TFEC: variants seen among roughly 807,000 people sequenced by gnomAD.
TFEC encodes class E basic helix-loop-helix protein 34.
TFEC carries 31 observed loss-of-function variants against 41.6 expected under a neutral mutation model. That is an observed-to-expected ratio of 0.74 (90% CI 0.56 to 1.01). The LOEUF (loss-of-function observed/expected upper bound fraction) is 1.01. Among genes scored for constraint, TFEC ranks in the 50% least tolerant of loss-of-function variants. The pLI is 0.00. For synonymous variants in TFEC, 143 were observed against 140.6 expected, an observed-to-expected ratio of 1.02 and a Z score of -0.12; for missense variants, 402 against 404.1, an observed-to-expected ratio of 0.99 and a Z score of 0.04.
intron 3 of TFEC, among the ~76,000 whole-genome samples, chr7:116,068,541 G>A (rs1478064812): frequency 6.6e-6 from 1 of 151,450 alleles, no homozygotes; most frequent in Non-Finnish European, 1.5e-5. Flanking sequence ...ATGCCATAAT[G>A]CACTACAGTC....
rs138972028 is a variant in TFEC at position 116,133,047 on chromosome 7, T to G, written c.-68-21009A>C. 5.1e-3 allele frequency among the ~76,000 whole-genome samples: 776 copies of G among 152,340 alleles called. 6 individuals are homozygous for G. Among genetic ancestry groups the G allele is most frequent in the Non-Finnish European group, 8.3e-3 (564 of 68,024 alleles). On this transcript the variant is annotated intron_variant, in intron 1 of 8. Transcript: ENST00000484212. ...TACTTTAGAAAATAAATTATTACAG[T>G]GCTTAAAAAGAAAATAAATGTATGC...
chr7:115,982,151 G>T (rs1269389044), intron 2 of TFEC, among the ~76,000 whole-genome samples: 4 of 151,614 alleles, frequency 2.6e-5, no homozygotes, highest in Non-Finnish European at 5.9e-5. Flanking sequence ...GATTTCTGGG[G>T]TCTTCTTTGA....
intron 3 of TFEC, among the ~76,000 whole-genome samples, chr7:116,105,188 T>C (rs1035329570): frequency 6.6e-6 from 1 of 152,060 alleles, no homozygotes; most frequent in Non-Finnish European, 1.5e-5. Flanking sequence ...AAAAAAATTA[T>C]AGAAAGAGGA....
At chr7:116,088,809 C>T (rs1490694165) in intron 3 of TFEC, among the ~76,000 whole-genome samples, 1 of 151,638 alleles carries the variant, frequency 6.6e-6, no homozygotes, top group Non-Finnish European at 1.5e-5. Flanking sequence ...TATAATATAC[C>T]CGCAGAGCAC....
intron 3 of TFEC, among the ~76,000 whole-genome samples, chr7:116,068,686 C>G (rs1484856203): frequency 1.3e-5 from 2 of 151,388 alleles, no homozygotes; most frequent in Admixed American, 1.3e-4. Context: ...AATGCTTTGC[C>G]TTCACATATC....
At chr7:116,150,926 T>C (rs948034166) in intron 1 of TFEC, among the ~76,000 whole-genome samples, 2 of 152,204 alleles carry the variant, frequency 1.3e-5, no homozygotes, top group Non-Finnish European at 1.5e-5. Context: ...AATTTTTGTA[T>C]GCATCCCTCT....
At chr7:116,029,299 CTACT>C (rs1439647801) in intron 1 of TFEC, among the ~76,000 whole-genome samples, 3 of 152,088 alleles carry the variant, frequency 2.0e-5, no homozygotes, top group African/African-American at 7.2e-5. Flanking sequence ...AAAGTTTAGC[CTACT>C]TAAAGTAGCT....
At chr7:115,942,904 G>A (rs1410627244) in intron 6 of TFEC, among the ~76,000 whole-genome samples, 2 of 152,016 alleles carry the variant, frequency 1.3e-5, no homozygotes, top group African/African-American at 2.4e-5. Flanking sequence ...ATTGCTAAAT[G>A]TTAATCAGAG....
At chr7:115,981,198 C>A (rs540077175) in intron 2 of TFEC, among the ~76,000 whole-genome samples, 1 of 151,986 alleles carries the variant, frequency 6.6e-6, no homozygotes, top group Admixed American at 6.6e-5. Context: ...CCCACTTATG[C>A]TTGTCTACTC....
At chr7:115,959,234 T>C (rs1233589780) in intron 3 of TFEC, among the ~76,000 whole-genome samples, 1 of 151,770 alleles carries the variant, frequency 6.6e-6, no homozygotes, top group Non-Finnish European at 1.5e-5. Context: ...TAATTTATTA[T>C]AAAATCCAGT....
chr7:116,040,719 G>T (rs1188512418), intron 3 of TFEC, among the ~76,000 whole-genome samples: 1 of 152,122 alleles, frequency 6.6e-6, no homozygotes, highest in Non-Finnish European at 1.5e-5. Context: ...CATCATGGCT[G>T]TTGAAACTGT....
intron 1 of TFEC, among the ~76,000 whole-genome samples, chr7:116,116,195 C>T (rs1262602145): frequency 1.3e-5 from 2 of 151,444 alleles, no homozygotes; most frequent in Non-Finnish European, 2.9e-5. Flanking sequence ...GAGACATCGA[C>T]CAAAAAAATG....
intron 3 of TFEC, among the ~76,000 whole-genome samples, chr7:116,098,489 T>C (rs572083224): frequency 6.6e-6 from 1 of 152,080 alleles, no homozygotes; most frequent in Non-Finnish European, 1.5e-5. Context: ...TATTACATAA[T>C]AGTGAAAGGG....
chr7:116,152,444 G>C (rs1798781196), intron 1 of TFEC, among the ~76,000 whole-genome samples: 2 of 152,302 alleles, frequency 1.3e-5, no homozygotes, highest in South Asian at 2.1e-4. Context: ...AAGAGAAGAA[G>C]CTCCTGAGAT....
chr7:116,101,989 AC>A (rs1419358403), intron 3 of TFEC, among the ~76,000 whole-genome samples: 2 of 152,178 alleles, frequency 1.3e-5, no homozygotes, highest in African/African-American at 4.8e-5. Flanking sequence ...ATCTTCAGGA[AC>A]ACTGGAGAAA....
At chr7:116,070,873 T>C (rs1465452778) in intron 3 of TFEC, among the ~76,000 whole-genome samples, 1 of 151,146 alleles carries the variant, frequency 6.6e-6, no homozygotes, top group Non-Finnish European at 1.5e-5. Flanking sequence ...TTAGAAGAAA[T>C]AATTCTATAT....
intron 1 of TFEC, among the ~76,000 whole-genome samples, chr7:116,147,493 G>A (rs1798667249): frequency 1.3e-5 from 2 of 151,986 alleles, no homozygotes; most frequent in Admixed American, 6.5e-5. Context: ...CCATGTTGGT[G>A]TGCTGCACCC....
intron 3 of TFEC, among the ~76,000 whole-genome samples, chr7:116,060,412 C>A (rs1274773359): frequency 6.6e-6 from 1 of 152,058 alleles, no homozygotes; most frequent in Non-Finnish European, 1.5e-5. Flanking sequence ...CCCACGTATG[C>A]AAATGTTCAT....
At chr7:115,992,280 C>A (rs1323025866) in intron 1 of TFEC, among the ~76,000 whole-genome samples, 3 of 152,158 alleles carry the variant, frequency 2.0e-5, no homozygotes, top group Non-Finnish European at 1.5e-5. Flanking sequence ...GACACGCTAA[C>A]ATCACAATTA....
Sources: gnomAD v4.1 joint callset for allele counts (sites outside exome capture counted in the v4.1 genomes callset) on GRCh38, gnomAD v4.1.1 for gene constraint, MANE v1.5 for transcripts, NCBI Gene and HGNC (gene_info 2026-07-23, HGNC 2026-07-21) for gene names.